Variants in NKAIN3 observed in about 807,000 individuals in gnomAD.
NKAIN3 encodes sodium/potassium transporting ATPase interacting 3.
A neutral mutation model predicts 30.2 loss-of-function variants in NKAIN3; 25 were observed. That is an observed-to-expected ratio of 0.83 (90% CI 0.60 to 1.16). NKAIN3 has a LOEUF of 1.16. Among genes scored for constraint, NKAIN3 ranks in the 50% most tolerant of loss-of-function variants. The probability of loss-of-function intolerance (pLI) is 0.00; values close to 1 mark genes in which losing one functional copy is unlikely to be tolerated. For synonymous variants in NKAIN3, 91 were observed against 89.6 expected (o/e 1.02, Z -0.09); for missense variants, 225 against 254.1 (o/e 0.89, Z 0.78).
chr8:62,467,853 C>T (rs964963375), intron 1 of NKAIN3, among the ~76,000 whole-genome samples: 2 of 152,098 alleles, frequency 1.3e-5, no homozygotes, highest in African/African-American at 2.4e-5. Context: ...GCAGCCTTGA[C>T]CTTCTGATCT....
chr8:62,358,123 G>A (rs1328791094), intron 1 of NKAIN3, among the ~76,000 whole-genome samples: 1 of 151,522 alleles, frequency 6.6e-6, no homozygotes, highest in East Asian at 1.9e-4. Context: ...CCTAGGTAGT[G>A]TTCATATCTC....
intron 4 of NKAIN3, among the ~76,000 whole-genome samples, chr8:62,866,187 C>T (rs1312376338): frequency 2.0e-5 from 3 of 152,106 alleles, no homozygotes; most frequent in Non-Finnish European, 4.4e-5. Flanking sequence ...AACTTAAGCT[C>T]CACATAGATT....
chr8:62,805,939 C>T (rs1215778266), intron 4 of NKAIN3, among the ~76,000 whole-genome samples: 4 of 152,122 alleles, frequency 2.6e-5, no homozygotes, highest in African/African-American at 7.2e-5. Flanking sequence ...CTACAATGAA[C>T]TCAAACAAAT....
intron 4 of NKAIN3, among the ~76,000 whole-genome samples, chr8:62,878,080 G>A (rs904832319): frequency 6.6e-6 from 1 of 151,032 alleles, no homozygotes. Flanking sequence ...TCAAATACGG[G>A]ACTTTGCATT....
At chr8:62,863,648 TA>T (rs1820327398) in intron 4 of NKAIN3, 1 of 1,299,914 alleles carries the variant, frequency 7.7e-7, no homozygotes, top group South Asian at 1.2e-5. Context: ...GTCACTGGGA[TA>T]ACTTTCTCGA....
chr8:62,361,101 C>T (rs780084265), intron 1 of NKAIN3, among the ~76,000 whole-genome samples: 8 of 151,756 alleles, frequency 5.3e-5, no homozygotes, highest in South Asian at 4.1e-4. Context: ...TTATCACCAA[C>T]GCAGTAGAAT....
chr8:62,264,798 A>T (rs908215587), intron 1 of NKAIN3, among the ~76,000 whole-genome samples: 1 of 152,122 alleles, frequency 6.6e-6, no homozygotes, highest in African/African-American at 2.4e-5. Flanking sequence ...GTGATGGTAA[A>T]ATTACAACAT....
In NKAIN3 at chr8:62,318,901, G is replaced by A. The variant is rs202219728; in HGVS notation, c.54+69774G>A. On this transcript the variant is annotated intron_variant, in intron 1 of 6. Coordinates refer to ENST00000623646, the MANE Select transcript of NKAIN3 (RefSeq NM_001304533.3). Reference sequence around the variant, plus strand: ...TTCTATTGATTGGAATAGTTTCAGAGGGAATGGTACCAGCTCCTCCTTGTA... The same window carrying A: ...TTCTATTGATTGGAATAGTTTCAGAAGGAATGGTACCAGCTCCTCCTTGTA... Among the ~76,000 whole-genome samples the A allele has an allele frequency of 6.8e-3, 1,030 of 151,486 alleles. 18 individuals are homozygous for A. The highest frequency in any genetic ancestry group is 0.024 in the African/African-American group (970 of 40,934).
At chr8:62,828,731 C>G (rs1437800064) in intron 4 of NKAIN3, among the ~76,000 whole-genome samples, 1 of 152,108 alleles carries the variant, frequency 6.6e-6, no homozygotes, top group Non-Finnish European at 1.5e-5. Flanking sequence ...ATACTAGAAG[C>G]TTCTACCTTG....
At chr8:62,530,004 C>T (rs1808437798) in intron 1 of NKAIN3, among the ~76,000 whole-genome samples, 2 of 152,170 alleles carry the variant, frequency 1.3e-5, no homozygotes, top group African/African-American at 2.4e-5. Context: ...TGACTTTGCA[C>T]TGACTCAGTT....
intron 3 of NKAIN3, among the ~76,000 whole-genome samples, chr8:62,594,651 T>C (rs1348501875): frequency 2.0e-5 from 3 of 152,114 alleles, no homozygotes; most frequent in Non-Finnish European, 4.4e-5. Flanking sequence ...AGTCAGATTG[T>C]ATTTAAAGAC....
intron 4 of NKAIN3, among the ~76,000 whole-genome samples, chr8:62,918,205 C>A (rs1474506333): frequency 6.6e-6 from 1 of 152,138 alleles, no homozygotes; most frequent in Non-Finnish European, 1.5e-5. Context: ...AGTCCCAAAT[C>A]AAAATCTAAG....
At chr8:62,888,208 T>C (rs1194467669) in intron 4 of NKAIN3, among the ~76,000 whole-genome samples, 2 of 152,198 alleles carry the variant, frequency 1.3e-5, no homozygotes, top group Non-Finnish European at 2.9e-5. Flanking sequence ...GATAAAATCC[T>C]AATAGTTTAG....
chr8:62,583,171 T>C lies in NKAIN3; in HGVS notation c.192+3495T>C, dbSNP rs558860337. Reference sequence around the variant, plus strand: ...GTAATTAGCGCTCAGTACATACTTATTGATTATTTTTCCTATCTAGTGTCC... The same window carrying C: ...GTAATTAGCGCTCAGTACATACTTACTGATTATTTTTCCTATCTAGTGTCC... On this transcript the variant is annotated intron_variant, in intron 2 of 6. Coordinates refer to ENST00000623646, the MANE Select transcript of NKAIN3 (RefSeq NM_001304533.3). 9.8e-5 allele frequency among the ~76,000 whole-genome samples: 15 copies of C among 152,300 alleles called. No individual in the cohort carries two copies. The South Asian group carries it at 1.0e-3, about 11-fold the overall frequency.
intron 1 of NKAIN3, among the ~76,000 whole-genome samples, chr8:62,313,968 CA>C (rs758480296): frequency 3.6e-4 from 55 of 152,154 alleles, no homozygotes; most frequent in African/African-American, 1.3e-3. Context: ...AAAGTACTCT[CA>C]ATTAAAGAGA....
At chr8:62,497,848 T>C (rs138019082) in intron 1 of NKAIN3, among the ~76,000 whole-genome samples, 1 of 152,202 alleles carries the variant, frequency 6.6e-6, no homozygotes, top group East Asian at 1.9e-4. Context: ...TTTCCAGCAT[T>C]GCCAGGTTGG....
chr8:62,462,053 G>A (rs1806015744), intron 1 of NKAIN3, among the ~76,000 whole-genome samples: 2 of 151,858 alleles, frequency 1.3e-5, no homozygotes, highest in South Asian at 4.1e-4. Context: ...AAAAGGCAAA[G>A]ACCAAGAGAG....
intron 4 of NKAIN3, among the ~76,000 whole-genome samples, chr8:62,842,943 AT>A (rs1271806264): frequency 1.3e-5 from 2 of 152,072 alleles, no homozygotes; most frequent in Non-Finnish European, 2.9e-5. Flanking sequence ...TTGGACAAGG[AT>A]TTTTTTAGAT....
chr8:62,349,305 T>C (rs1190831664), intron 1 of NKAIN3, among the ~76,000 whole-genome samples: 1 of 152,044 alleles, frequency 6.6e-6, no homozygotes, highest in Non-Finnish European at 1.5e-5. Flanking sequence ...GCTGCCTTGT[T>C]TTAGAGGGAC....
Sources: gnomAD v4.1 joint callset for allele counts (sites outside exome capture counted in the v4.1 genomes callset) on GRCh38, gnomAD v4.1.1 for gene constraint, MANE v1.5 for transcripts, NCBI Gene and HGNC (gene_info 2026-07-23, HGNC 2026-07-21) for gene names.